The following ATG10 variants were observed in gnomAD, a reference collection of about 807,000 sequenced individuals.
The protein encoded by ATG10 is autophagy related 10, also known as ubiquitin-like-conjugating enzyme ATG10.
In ATG10, 30 loss-of-function variants were observed where a neutral mutation model predicts 32.1. The observed-to-expected ratio is 0.94, with a 90% confidence interval of 0.70 to 1.27. The LOEUF (loss-of-function observed/expected upper bound fraction) is 1.27. ATG10 is among the 50% of genes most tolerant of loss of function. The pLI is 0.00. For missense variants in ATG10, 233 were observed against 262.3 expected, an observed-to-expected ratio of 0.89 and a Z score of 0.77; for synonymous variants, 87 against 91.5, an observed-to-expected ratio of 0.95 and a Z score of 0.28.
intron 5 of ATG10, among the ~76,000 whole-genome samples, chr5:82,249,909 A>G (rs1180179725): frequency 6.6e-6 from 1 of 152,200 alleles, no homozygotes; most frequent in Admixed American, 6.5e-5. Context: ...TAAGAAAGAG[A>G]TGCCAAAGGG....
intron 3 of ATG10, among the ~76,000 whole-genome samples, chr5:82,122,910 G>C (rs1239722572): frequency 1.3e-5 from 2 of 152,184 alleles, no homozygotes; most frequent in Non-Finnish European, 2.9e-5. Context: ...ACTGTTGGTG[G>C]GAGTGTAAAT....
intron 2 of ATG10, among the ~76,000 whole-genome samples, chr5:82,052,040 G>T (rs140811297): frequency 2.0e-5 from 3 of 152,256 alleles, no homozygotes; most frequent in Non-Finnish European, 4.4e-5. Context: ...TGAAGGCCTT[G>T]TTTGATCAGT....
intron 3 of ATG10, 70 bp downstream of exon 3, chr5:82,058,672 T>G: frequency 2.9e-6 from 3 of 1,028,830 alleles, no homozygotes; most frequent in Non-Finnish European, 4.5e-6. Flanking sequence ...TATACTTTAA[T>G]GACTCCATCG....
intron 1 of ATG10, among the ~76,000 whole-genome samples, chr5:81,985,237 G>T (rs2149663755): frequency 6.6e-6 from 1 of 152,238 alleles, no homozygotes; most frequent in Non-Finnish European, 1.5e-5. Context: ...TGTTCTTTAT[G>T]AATGAAAGTT....
intron 5 of ATG10, among the ~76,000 whole-genome samples, chr5:82,196,958 A>G (rs143213391): frequency 6.6e-6 from 1 of 152,306 alleles, no homozygotes; most frequent in Non-Finnish European, 1.5e-5. Flanking sequence ...TATGGATTGC[A>G]CTGGAGCTAT....
chr5:82,244,689 G>T (rs1746951967), intron 5 of ATG10, among the ~76,000 whole-genome samples: 1 of 152,148 alleles, frequency 6.6e-6, no homozygotes, highest in Non-Finnish European at 1.5e-5. Context: ...ATTAAGAAAT[G>T]AACCAAGTAA....
chr5:82,242,462 C>T (rs1581842569), intron 5 of ATG10, among the ~76,000 whole-genome samples: 1 of 152,022 alleles, frequency 6.6e-6, no homozygotes, highest in East Asian at 1.9e-4. Context: ...ATTCAAAGAG[C>T]TGATGCTGAG....
chr5:81,984,779 A>C lies in ATG10; in HGVS notation c.-12-2780A>C, dbSNP rs1210423659. Among the ~76,000 whole-genome samples the C allele has an allele frequency of 5.3e-5, 8 of 152,206 alleles. No homozygotes were observed. In the South Asian group the frequency reaches 8.3e-4, roughly 16 times the overall value. Reference sequence around the variant, plus strand: ...TACAACTTGAAAACTATGTATAAAAATGTTGATTGAATTATATTTACATTT... The same window carrying C: ...TACAACTTGAAAACTATGTATAAAACTGTTGATTGAATTATATTTACATTT... On this transcript the variant is annotated intron_variant, in intron 1 of 7. Transcript: ENST00000282185.
chr5:82,116,403 A>G (rs2149820439), intron 3 of ATG10, among the ~76,000 whole-genome samples: 1 of 152,242 alleles, frequency 6.6e-6, no homozygotes, highest in South Asian at 2.1e-4. Flanking sequence ...ATTAATAAAG[A>G]TGTATGAAAC....
chr5:82,099,553 C>G (rs1325755077), intron 3 of ATG10, among the ~76,000 whole-genome samples: 1 of 151,994 alleles, frequency 6.6e-6, no homozygotes, highest in Non-Finnish European at 1.5e-5. Flanking sequence ...CAATGTTTGG[C>G]ATTGTGTATA....
At chr5:82,252,110 T>C (rs1357029763) in intron 5 of ATG10, among the ~76,000 whole-genome samples, 1 of 152,224 alleles carries the variant, frequency 6.6e-6, no homozygotes, top group African/African-American at 2.4e-5. Context: ...AAACAACATG[T>C]TGACAAAATT....
chr5:81,984,217 G>C (rs1047969801), intron 1 of ATG10, among the ~76,000 whole-genome samples: 1 of 152,270 alleles, frequency 6.6e-6, no homozygotes, highest in Non-Finnish European at 1.5e-5. Context: ...TCGCGGTTAG[G>C]AGCTGGAGAC....
At chr5:82,165,382 T>C (rs1743534043) in intron 4 of ATG10, among the ~76,000 whole-genome samples, 1 of 152,266 alleles carries the variant, frequency 6.6e-6, no homozygotes, top group Non-Finnish European at 1.5e-5. Context: ...AATGATATTT[T>C]ATTTTTAATT....
chr5:82,053,257 C>T (rs1763483269), intron 2 of ATG10, among the ~76,000 whole-genome samples: 1 of 152,150 alleles, frequency 6.6e-6, no homozygotes, highest in African/African-American at 2.4e-5. Context: ...TTTTTATCTA[C>T]ATGTATTTCC....
intron 3 of ATG10, among the ~76,000 whole-genome samples, chr5:82,133,023 C>T (rs774358426): frequency 3.3e-5 from 5 of 152,134 alleles, no homozygotes; most frequent in Admixed American, 6.5e-5. Context: ...TATTTGTTGG[C>T]TGAATAAATG....
intron 2 of ATG10, among the ~76,000 whole-genome samples, chr5:82,031,399 G>C (rs940566851): frequency 6.6e-6 from 1 of 152,182 alleles, no homozygotes; most frequent in Non-Finnish European, 1.5e-5. Context: ...CAAGACCTTG[G>C]AGCAACACCA....
intron 3 of ATG10, among the ~76,000 whole-genome samples, chr5:82,084,927 C>T (rs1459774994): frequency 2.6e-5 from 4 of 152,078 alleles, no homozygotes; most frequent in East Asian, 1.9e-4. Context: ...CATCAACTAA[C>T]GAGCAAAATA....
At chr5:82,053,032 T>G (rs1364449189) in intron 2 of ATG10, among the ~76,000 whole-genome samples, 1 of 152,194 alleles carries the variant, frequency 6.6e-6, no homozygotes, top group African/African-American at 2.4e-5. Context: ...TGTGTGCATT[T>G]TAAATTTTGA....
chr5:82,175,475 T>A (rs1452786665), intron 4 of ATG10, among the ~76,000 whole-genome samples: 1 of 152,208 alleles, frequency 6.6e-6, no homozygotes, highest in Non-Finnish European at 1.5e-5. Context: ...ATGAAAATGT[T>A]CTAAAATTGA....
Sources: gnomAD v4.1 joint callset for allele counts (sites outside exome capture counted in the v4.1 genomes callset) on GRCh38, gnomAD v4.1.1 for gene constraint, MANE v1.5 for transcripts, NCBI Gene and HGNC (gene_info 2026-07-23, HGNC 2026-07-21) for gene names.